MYO18B: variants seen among roughly 807,000 people sequenced by gnomAD.
MYO18B encodes the protein myosin XVIIIB, also known as unconventional myosin-XVIIIb.
Under a neutral mutation model 273.0 loss-of-function variants are expected in MYO18B, and 204 were observed. The observed-to-expected ratio is 0.75, with a 90% CI of 0.67 to 0.84. The LOEUF is 0.84. Ranked by LOEUF, MYO18B falls within the 40% of genes least tolerant of loss-of-function variation. The probability of loss-of-function intolerance (pLI) is 0.00; values close to 1 mark genes in which losing one functional copy is unlikely to be tolerated. For missense variants in MYO18B, 3,212 were observed against 3,287.6 expected (o/e 0.98, Z 0.56); for synonymous variants, 1,330 against 1,305.7 (o/e 1.02, Z -0.40).
chr22:25,814,294 C>CTTTTTTT lies in MYO18B; in HGVS notation c.2522-9174_2522-9168dup, dbSNP rs398036691. Among the ~76,000 whole-genome samples, 124 of 59,488 alleles carry CTTTTTTT rather than the reference C, an allele frequency of 2.1e-3. 14 individuals are homozygous for CTTTTTTT. The highest frequency in any genetic ancestry group is 0.028 in the Middle Eastern group (2 of 72). 39.0% of individuals were successfully genotyped at this position (59,488 alleles called of 152,430 possible). ...GCTTGCCATGCTCCCAGGCACCGTTCTTTTTTTTTTTTTTTTTTTTTTTTT... is the reference window on the plus strand; with the variant it reads ...GCTTGCCATGCTCCCAGGCACCGTTCTTTTTTTTTTTTTTTTTTTTTTTTTTTTTTTT... On this transcript the variant is annotated intron_variant, in intron 12 of 43. Transcript: ENST00000335473.
At chr22:25,946,906 G>C (rs1027455014) in intron 35 of MYO18B, among the ~76,000 whole-genome samples, 5 of 152,140 alleles carry the variant, frequency 3.3e-5, no homozygotes, top group Non-Finnish European at 5.9e-5. Context: ...GGGGACACAT[G>C]GACATATATT....
At chr22:25,861,646 ATGTG>A (rs2090740187) in intron 21 of MYO18B, among the ~76,000 whole-genome samples, 1 of 152,146 alleles carries the variant, frequency 6.6e-6, no homozygotes, top group Non-Finnish European at 1.5e-5. Flanking sequence ...TTGATCTGTA[ATGTG>A]ATTTACATTA....
chr22:25,763,454 T>G (rs2086400806), intron 3 of MYO18B, 65 bp downstream of exon 3: 1 of 1,529,670 alleles, frequency 6.5e-7, no homozygotes, highest in South Asian at 1.3e-5. Context: ...CTTGTGAGCT[T>G]CCTCTGAGTC....
rs149596966 is a variant in MYO18B, at chr22:25,883,170, G to T, written c.4314+5122G>T. Among the ~76,000 whole-genome samples the T allele has an allele frequency of 4.3e-3, 651 of 152,216 alleles. 10 individuals are homozygous for T. The highest frequency in any genetic ancestry group is 0.015 in the African/African-American group (617 of 41,522). Reference sequence around the variant, plus strand: ...TGCCTTGGCCTCCCAGAGTGCTGGCGTGAACCATTGCACCAGACCTGTAAT... The same window carrying T: ...TGCCTTGGCCTCCCAGAGTGCTGGCTTGAACCATTGCACCAGACCTGTAAT... On this transcript the variant is annotated intron_variant, in intron 25 of 43. Transcript: ENST00000335473. The surrounding 1 kb of genome is among the most constrained non-coding windows in gnomAD (Gnocchi z 7.6).
At chr22:25,805,334 C>T (rs765296445) in intron 12 of MYO18B, among the ~76,000 whole-genome samples, 1 of 152,214 alleles carries the variant, frequency 6.6e-6, no homozygotes, top group African/African-American at 2.4e-5. Context: ...GCTCCAAGGC[C>T]TCTTCCTTCC....
the MYO18B span, among the ~76,000 whole-genome samples, chr22:26,063,700 A>G: frequency 6.6e-6 from 1 of 152,058 alleles, no homozygotes; most frequent in Non-Finnish European, 1.5e-5. Flanking sequence ...ACTAAACACC[A>G]CTTTGCTGGA....
intron 40 of MYO18B, among the ~76,000 whole-genome samples, chr22:25,999,539 CT>C (rs1933700449): frequency 2.4e-5 from 1 of 42,020 alleles, no homozygotes. Flanking sequence ...CCTCCTCCCC[CT>C]CTTCCCCCTC....
At chr22:25,969,967 A>G (rs536998617) in intron 39 of MYO18B, among the ~76,000 whole-genome samples, 1 of 151,998 alleles carries the variant, frequency 6.6e-6, no homozygotes, top group African/African-American at 2.4e-5. Flanking sequence ...TCATTGCCAT[A>G]TCATCTTCTT....
At chr22:25,796,681 C>T (rs1445454475) in intron 11 of MYO18B, among the ~76,000 whole-genome samples, 4 of 151,936 alleles carry the variant, frequency 2.6e-5, no homozygotes, top group Middle Eastern at 3.2e-3. Flanking sequence ...TGGGAAAGCT[C>T]AGTTGGTGGT....
chr22:25,995,440 A>AAC (rs1220794289), intron 40 of MYO18B, among the ~76,000 whole-genome samples: 1 of 152,190 alleles, frequency 6.6e-6, no homozygotes, highest in Non-Finnish European at 1.5e-5. Flanking sequence ...GCTTGAGGGG[A>AAC]TGGATACCCC....
At chr22:25,900,058 G>C (rs967834983) in intron 29 of MYO18B, among the ~76,000 whole-genome samples, 2 of 152,148 alleles carry the variant, frequency 1.3e-5, no homozygotes, top group African/African-American at 4.8e-5. Flanking sequence ...AATTCCATCT[G>C]TCTGGTCTTT....
At chr22:25,747,721 C>T (rs1322891298) in intron 1 of MYO18B, among the ~76,000 whole-genome samples, 1 of 152,178 alleles carries the variant, frequency 6.6e-6, no homozygotes, top group Non-Finnish European at 1.5e-5. Context: ...ATATGCAAAG[C>T]ATTTGAAGAT....
chr22:25,833,767 G>C (rs530572165), intron 16 of MYO18B, among the ~76,000 whole-genome samples: 1 of 152,320 alleles, frequency 6.6e-6, no homozygotes, highest in South Asian at 2.1e-4. Flanking sequence ...TGCACATAAG[G>C]CACCTGGCGT....
In MYO18B at chr22:26,026,843, GGA is replaced by G. The variant is rs1569308923; in HGVS notation, c.6871_6872del (p.Arg2291GlyfsTer6). The G allele has an allele frequency of 6.3e-7, 1 of 1,594,058 alleles. No individual in the cohort carries two copies. Among genetic ancestry groups the G allele is most frequent in the East Asian group, 2.2e-5 (1 of 44,594 alleles). On this transcript the variant is annotated frameshift_variant, in exon 43 of 44. Coordinates refer to ENST00000335473, the MANE Select transcript of MYO18B (RefSeq NM_032608.7). LOFTEE classifies it high-confidence loss of function. ...CAGACGACTGGGGCCTCCACACTAA[GGA>G]GGGGCAGGGCTGGCAGTGACGAGGG...
chr22:25,976,015 T>C (rs117467934), intron 39 of MYO18B, among the ~76,000 whole-genome samples: 2,111 of 152,298 alleles, frequency 0.014, 23 homozygotes, highest in Non-Finnish European at 0.023. Context: ...CTTACCCTTA[T>C]GCCTGTAGCT....
At chr22:25,821,961 T>C (rs543731699) in intron 12 of MYO18B, among the ~76,000 whole-genome samples, 113 of 152,378 alleles carry the variant, frequency 7.4e-4, no homozygotes, top group African/African-American at 2.5e-3. Context: ...TAGAATGATT[T>C]GCACAGTTGA....
intron 33 of MYO18B, 92 bp downstream of exon 33, chr22:25,911,142 C>T (rs1240108246): frequency 1.1e-6 from 1 of 929,606 alleles, no homozygotes; most frequent in Admixed American, 2.0e-5. Context: ...GAGGGATACC[C>T]TCTCCTCCAT....
chr22:25,909,270 C>T (rs2247775), intron 32 of MYO18B, among the ~76,000 whole-genome samples: 73,142 of 152,036 alleles, frequency 0.48, 17,784 homozygotes, highest in Middle Eastern at 0.57. Flanking sequence ...CTCTATAAGA[C>T]CTTCCCTCCC....
Position 25,802,767 on chromosome 22 carries a change from A to AAAC in MYO18B, c.2521+4672_2521+4673insCAA, listed in dbSNP as rs1555896509. 9.8e-3 allele frequency among the ~76,000 whole-genome samples: 1,326 copies of AAAC among 134,934 alleles called. 76 individuals are homozygous for AAAC. Among genetic ancestry groups the AAAC allele is most frequent in the African/African-American group, 0.031 (1,103 of 35,254 alleles). The allele number at this position is 134,934 out of a possible 152,430, so 88.5% of individuals were successfully genotyped here. On this transcript the variant is annotated intron_variant, in intron 12 of 43. Transcript: ENST00000335473. ...GACTCTGTCTCAAAAAAAAAAAAAA[A>AAAC]AAAAAAAAACCCCTATAGCCTTTAG...
Sources: allele counts gnomAD v4.1 joint callset (sites outside exome capture counted in the v4.1 genomes callset), GRCh38; gene constraint gnomAD v4.1.1; non-coding constraint Gnocchi (gnomAD v3.1); transcripts MANE v1.5; gene names NCBI Gene and HGNC (gene_info 2026-07-23, HGNC 2026-07-21).